The following ABCB1 variants were observed in gnomAD, a reference collection of about 807,000 sequenced individuals.
ABCB1 encodes the protein ATP binding cassette subfamily B member 1.
In ABCB1, 69 loss-of-function variants were observed where a neutral mutation model predicts 142.0. That is an observed-to-expected ratio of 0.49 (90% CI 0.40 to 0.59). ABCB1 has a LOEUF of 0.59. Ranked by LOEUF, ABCB1 falls within the 20% of genes least tolerant of loss-of-function variation. The pLI, the probability that ABCB1 is intolerant of heterozygous loss-of-function variation, is 0.00. For synonymous variants in ABCB1, 532 were observed against 539.2 expected (o/e 0.99, Z 0.18); for missense variants, 1,326 against 1,554.7 (o/e 0.85, Z 2.47).
At chr7:87,565,326 A>G (rs1817743691) in intron 7 of ABCB1, 1 of 284,292 alleles carries the variant, frequency 3.5e-6, no homozygotes, top group African/African-American at 2.2e-5. Context: ...ATACTGGGCC[A>G]ATTTCTCTAC....
At chr7:87,612,776 C>T (rs566750244) in intron 1 of ABCB1, among the ~76,000 whole-genome samples, 26 of 151,824 alleles carry the variant, frequency 1.7e-4, no homozygotes, top group African/African-American at 6.0e-4. Context: ...ATTTTAGGAT[C>T]GTTTTTTCTA....
intron 1 of ABCB1, chr7:87,694,068 G>A: frequency 6.6e-7 from 1 of 1,521,090 alleles, no homozygotes; most frequent in East Asian, 2.5e-5. Context: ...CATTGCATGG[G>A]TTTTGTAAAG....
rs571655124 is a variant in ABCB1 at position 87,547,548 on chromosome 7, T to C, written c.1726-1524A>G. On this transcript the variant is annotated intron_variant, in intron 14 of 27. Transcript: ENST00000622132. ...TCTGAGACCAGTCGGGGCAAGATAGTGAGACCTCATCTCTACAAATATATC... is the reference window on the plus strand; with the variant it reads ...TCTGAGACCAGTCGGGGCAAGATAGCGAGACCTCATCTCTACAAATATATC... Among the ~76,000 whole-genome samples, 26 of 151,550 alleles carry C rather than the reference T, an allele frequency of 1.7e-4. 1 individual carries two copies. In the East Asian group the frequency reaches 3.9e-3, roughly 23 times the overall value.
intron 1 of ABCB1, among the ~76,000 whole-genome samples, chr7:87,707,851 A>T (rs1444130890): frequency 6.6e-6 from 1 of 152,158 alleles, no homozygotes; most frequent in Non-Finnish European, 1.5e-5. Flanking sequence ...CAGTGGAATT[A>T]AGCTAGAATC....
intron 1 of ABCB1, among the ~76,000 whole-genome samples, chr7:87,708,960 C>G (rs1022761282): frequency 2.0e-5 from 3 of 152,100 alleles, no homozygotes; most frequent in African/African-American, 7.2e-5. Context: ...TTATGGATCA[C>G]CCTTATCAAC....
chr7:87,701,148 A>G (rs1829002519), intron 1 of ABCB1, among the ~76,000 whole-genome samples: 1 of 152,270 alleles, frequency 6.6e-6, no homozygotes, highest in African/African-American at 2.4e-5. Context: ...AAACACTTGT[A>G]CAATTCTTTG....
intron 1 of ABCB1, among the ~76,000 whole-genome samples, chr7:87,693,112 T>C (rs554015328): frequency 6.6e-6 from 1 of 152,252 alleles, no homozygotes; most frequent in South Asian, 2.1e-4. Context: ...GGAAATGTTA[T>C]TTTTTGGGAA....
At chr7:87,536,636 T>A in intron 19 of ABCB1, 95 bp from the exon 20 acceptor site, 1 of 1,030,410 alleles carries the variant, frequency 9.7e-7, no homozygotes. Context: ...TTTATACTTA[T>A]ACCCCCTGCA....
rs1820592716 is a variant in ABCB1 at position 87,626,524 on chromosome 7, T to TATATATGTGTC, written c.-330-25457_-330-25447dup. Among the ~76,000 whole-genome samples, 10 of 14,230 alleles carry TATATATGTGTC rather than the reference T, an allele frequency of 7.0e-4. 2 individuals are homozygous for TATATATGTGTC. Among genetic ancestry groups the TATATATGTGTC allele is most frequent in the South Asian group, 4.3e-3 (1 of 232 alleles). The allele number at this position is 14,230 out of a possible 152,430, so 9.3% of individuals were successfully genotyped here. On this transcript the variant is annotated intron_variant, in intron 1 of 28. Transcript: ENST00000265724. ...ATATATGTGTCATATATATGTGTCA[T>TATATATGTGTC]ATATATGTGTCATATATGTGTCATA...
At chr7:87,560,406 G>T (rs573972093) in intron 8 of ABCB1, among the ~76,000 whole-genome samples, 1 of 152,204 alleles carries the variant, frequency 6.6e-6, no homozygotes, top group South Asian at 2.1e-4. Context: ...ACTCATGTAA[G>T]TATACCTGAG....
intron 9 of ABCB1, among the ~76,000 whole-genome samples, chr7:87,552,659 A>AG (rs1480790766): frequency 6.6e-6 from 1 of 151,246 alleles, no homozygotes; most frequent in Non-Finnish European, 1.5e-5. Flanking sequence ...AAAAAAAAAA[A>AG]CTTCATGGGA....
chr7:87,648,532 CAA>C (rs11307709), intron 1 of ABCB1, among the ~76,000 whole-genome samples: 5 of 134,556 alleles, frequency 3.7e-5, no homozygotes, highest in East Asian at 2.2e-4. Flanking sequence ...TGCCAAAAGA[CAA>C]AAAAAAAAAG....
At chr7:87,602,154 C>T (rs892052145), upstream of ABCB1, among the ~76,000 whole-genome samples, 1 of 152,022 alleles carries the variant, frequency 6.6e-6, no homozygotes, top group Non-Finnish European at 1.5e-5. Context: ...CCACCACGCC[C>T]GGCTAATTTT....
At chr7:87,551,659 TAA>T (rs28381892) in intron 9 of ABCB1, among the ~76,000 whole-genome samples, 3 of 149,810 alleles carry the variant, frequency 2.0e-5, no homozygotes, top group African/African-American at 4.9e-5. Context: ...TCTGGCTAAT[TAA>T]AAAAAAAAAT....
At chr7:87,629,072 A>G (rs1820924376) in intron 1 of ABCB1, 1 of 948,898 alleles carries the variant, frequency 1.1e-6, no homozygotes, top group Admixed American at 4.3e-5. Flanking sequence ...ATGTTGCGCC[A>G]GCCAAATCTG....
In ABCB1 at chr7:87,510,065, C is replaced by T. The variant is rs994367896; in HGVS notation, c.3283-584G>A. 2.0e-5 allele frequency among the ~76,000 whole-genome samples: 3 copies of T among 152,246 alleles called. No individual in the cohort carries two copies. The East Asian group carries it at 5.8e-4, about 29-fold the overall frequency. ...CCTCCTGACACTTGATATGAGCCCA[C>T]TGAGACCTATTTTAGACTTCTGACC... On this transcript the variant is annotated intron_variant, in intron 25 of 27. Coordinates refer to ENST00000622132, the MANE Select transcript of ABCB1 (RefSeq NM_001348946.2).
At chr7:87,635,251 C>T (rs1387050145) in intron 1 of ABCB1, among the ~76,000 whole-genome samples, 2 of 152,188 alleles carry the variant, frequency 1.3e-5, no homozygotes, top group Non-Finnish European at 2.9e-5. Flanking sequence ...CTATCCCCAA[C>T]TGCTTTTACC....
chr7:87,545,837 A>AG lies in ABCB1; in HGVS notation c.1887+25dup, dbSNP rs756937663. ...AATCAGTTTATCACTGAGATGACTT[A>AG]GGAAAATTCTGAAGTTAAACTATAC... On this transcript the variant is annotated intron_variant, in intron 15 of 27. Coordinates refer to ENST00000622132, the MANE Select transcript of ABCB1 (RefSeq NM_001348946.2). 3 of 1,609,678 alleles carry AG rather than the reference A, an allele frequency of 1.9e-6. No individual in the cohort carries two copies. The South Asian group carries it at 3.3e-5, about 18-fold the overall frequency.
chr7:87,627,371 G>A (rs1197358090), intron 1 of ABCB1, among the ~76,000 whole-genome samples: 1 of 152,144 alleles, frequency 6.6e-6, no homozygotes, highest in Non-Finnish European at 1.5e-5. Flanking sequence ...ATGGATTTTG[G>A]AGCCACTGAA....
Sources: allele counts gnomAD v4.1 joint callset (sites outside exome capture counted in the v4.1 genomes callset), GRCh38; gene constraint gnomAD v4.1.1; transcripts MANE v1.5; gene names NCBI Gene and HGNC (gene_info 2026-07-23, HGNC 2026-07-21).